The following TEP1 variants were observed in gnomAD, a reference collection of about 807,000 sequenced individuals.
The protein encoded by TEP1 is telomerase protein component 1.
TEP1 carries 241 observed loss-of-function variants against 306.3 expected under a neutral mutation model. That is an observed-to-expected ratio of 0.79 (90% confidence interval 0.71 to 0.88). The LOEUF is 0.88. Ranked by LOEUF, TEP1 falls within the 40% of genes least tolerant of loss-of-function variation. TEP1 has a pLI of 0.00. For missense variants in TEP1, 3,051 were observed against 3,276.1 expected, an observed-to-expected ratio of 0.93 and a Z score of 1.68; for synonymous variants, 1,289 against 1,305.5, an observed-to-expected ratio of 0.99 and a Z score of 0.27.
At position 20,391,642 on chromosome 14, in the gene TEP1, T is replaced by C. The variant is rs1268239626; in HGVS notation, c.2054A>G (p.Asp685Gly). ...TGGACAGAGCCTGTCTGCATTAGCA[T>C]CTGTCAGATAGACCAAGACAGTGCG... Reference protein sequence around the residue: ...PGRTVLVYLTDANADRLCPKS... With the variant: ...PGRTVLVYLTGANADRLCPKS... The change falls in exon 13 of 55, where the codon GAT (aspartate) becomes GGT (glycine). Residue 685 changes from aspartate to glycine, a missense_variant. Asp to Gly is a moderately conservative substitution (Grantham distance 94). Around this residue, in one of 3 missense-constraint regions of TEP1, gnomAD observed 1,507 missense variants for 1,550.5 expected, o/e 0.97. Transcript: ENST00000262715. 3 of 1,614,166 alleles carry C rather than the reference T, an allele frequency of 1.9e-6. No homozygotes were observed. Among genetic ancestry groups the C allele is most frequent in the South Asian group, 2.2e-5 (2 of 91,086 alleles).
rs774098351 is a variant in TEP1, at chr14:20,374,485, G to C, written c.6415C>G (p.Gln2139Glu). The change falls in exon 44 of 55, where the codon CAG becomes GAG. Residue 2139 changes from glutamine to glutamate, a missense_variant. Gln to Glu is a conservative substitution (Grantham distance 29). This residue lies in a region of TEP1 where 1,540 missense variants were observed against 1,705.9 expected (regional missense o/e 0.90). Coordinates refer to ENST00000262715, the MANE Select transcript of TEP1 (RefSeq NM_007110.5). ...SVGLWDPESG[Q>E]RLGQFLGHQS... ...TGACCCAGGAACTGACCAAGCCGCT[G>C]TCCTGACTCTGGGTCCCAGAGCCCC... 2.5e-6 allele frequency: 4 copies of C among 1,613,660 alleles called. No homozygotes were observed. Among genetic ancestry groups the C allele is most frequent in the Non-Finnish European group, 3.4e-6 (4 of 1,179,978 alleles).
Position 20,384,448 on chromosome 14 carries a change from C to T in TEP1, c.3282G>A (p.Glu1094=). Residue 1094 remains glutamate, a synonymous_variant, in exon 23 of 55, where the codon GAG becomes GAA. Transcript: ENST00000262715. ...CATCCTGCAGAACCAACTGCCCAAA[C>T]TCCTCCAGCCCGCCAACATAGGGCC... ...AGRPYVGGLE[E]FGQLVLQDVW... 13 of 1,614,164 alleles carry T rather than the reference C, an allele frequency of 8.1e-6. No homozygotes were observed. The highest frequency in any genetic ancestry group is 1.1e-5 in the Non-Finnish European group (13 of 1,180,036).
intron 1 of TEP1, among the ~76,000 whole-genome samples, chr14:20,409,754 C>T (rs1210174414): frequency 6.6e-6 from 1 of 152,102 alleles, no homozygotes; most frequent in Non-Finnish European, 1.5e-5. Context: ...GGCGCGGTGG[C>T]TCACGCCTGT....
At chr14:20,377,820 T>C in intron 39 of TEP1, 67 bp from the exon 40 acceptor site, 5 of 1,587,210 alleles carry the variant, frequency 3.2e-6, no homozygotes, top group Non-Finnish European at 4.3e-6. Flanking sequence ...TGTTTTGAGT[T>C]ACAGCCACCC....
Position 20,387,926 on chromosome 14 carries a change from A to G in TEP1, c.2663T>C (p.Leu888Ser), listed in dbSNP as rs1434327544. 4 of 1,608,836 alleles carry G rather than the reference A, an allele frequency of 2.5e-6. No individual in the cohort carries two copies. Among genetic ancestry groups the G allele is most frequent in the Non-Finnish European group, 3.4e-6 (4 of 1,178,472 alleles). ...TGACCCTTGCTGGGAAACAGGAGCC[A>G]AGGGGCTTGGAGTGTCCTCTTCCAG... ...RPLEEDTPSP[L>S]APVSQQGWRS... The change falls in exon 18 of 55, where the codon TTG becomes TCG. Residue 888 changes from leucine to serine, a missense_variant. By Grantham distance (145) the Leu-to-Ser change is moderately radical (BLOSUM62 -2). This residue lies in a region of TEP1 where 1,507 missense variants were observed against 1,550.5 expected (regional missense o/e 0.97). Coordinates refer to ENST00000262715, the MANE Select transcript of TEP1 (RefSeq NM_007110.5).
At chr14:20,389,139 TTC>T (rs1269030165) in intron 17 of TEP1, 97 bp downstream of exon 17, 2 of 1,101,504 alleles carry the variant, frequency 1.8e-6, no homozygotes, top group African/African-American at 3.3e-5. Context: ...CAGAGTGAGA[TTC>T]TGTCTTAAAA....
rs762705933 is a variant in TEP1 at position 20,406,283 on chromosome 14, C to G, written c.685G>C (p.Asp229His). The G allele has an allele frequency of 2.1e-5, 34 of 1,614,112 alleles. No homozygotes were observed. The highest frequency in any genetic ancestry group is 2.8e-5 in the Non-Finnish European group (33 of 1,180,022). The change falls in exon 3 of 55, where the codon GAC (aspartate) becomes CAC (histidine). Residue 229 changes from aspartate (D) to histidine (H), a missense_variant. Physicochemically the swap from Asp to His is moderately conservative, Grantham distance 81 (BLOSUM62 -1). Coordinates refer to ENST00000262715, the MANE Select transcript of TEP1 (RefSeq NM_007110.5). The stretch of plus-strand genomic sequence containing the variant: ...GTAGGCTCTGGATGAGATTCAGAGT[C>G]TCCAGAGGTGAGCTTCACGGCCAGA... ...EDLAVKLTSG[D>H]SESHPEPTDH... is the part of the protein sequence containing the mutation.
At chr14:20,397,888 G>C (rs1307676081) in intron 9 of TEP1, among the ~76,000 whole-genome samples, 4 of 152,096 alleles carry the variant, frequency 2.6e-5, no homozygotes. Context: ...GAGTAGCTGG[G>C]ATTACAAGTG....
chr14:20,396,065 A>G, intron 10 of TEP1, 116 bp from the exon 11 acceptor site: 1 of 637,120 alleles, frequency 1.6e-6, no homozygotes, highest in South Asian at 2.6e-5. Context: ...GAACTTAGAC[A>G]AGAGATATAG....
At chr14:20,407,721 G>A (rs1879291206) in intron 2 of TEP1, 152 bp downstream of exon 2, 1 of 692,252 alleles carries the variant, frequency 1.4e-6, no homozygotes, top group African/African-American at 1.8e-5. Context: ...AGTGAAGATG[G>A]TCCTGCAACA....
At chr14:20,375,995 A>T in intron 42 of TEP1, 109 bp downstream of exon 42, 1 of 1,502,806 alleles carries the variant, frequency 6.7e-7, no homozygotes, top group Non-Finnish European at 9.1e-7. Context: ...GATCTATACT[A>T]GATTTGGCAA....
At chr14:20,380,139 T>A in intron 34 of TEP1, 86 bp from the exon 35 acceptor site, 2 of 1,580,840 alleles carry the variant, frequency 1.3e-6, no homozygotes, top group Non-Finnish European at 1.7e-6. Context: ...CCTGGATCCC[T>A]CTCCAGTGTT....
At position 20,384,984 on chromosome 14, in the gene TEP1, C is replaced by T; in HGVS notation, c.3107+1G>A. On this transcript the variant is annotated splice_donor_variant, in intron 21 of 54. Coordinates refer to ENST00000262715, the MANE Select transcript of TEP1 (RefSeq NM_007110.5). LOFTEE classifies it high-confidence loss of function. ...CCCAGCCTGCAGGCAACAGACAGTA[C>T]CTGAGGAAGCTGGAATCCCGGAAGT... is the stretch of plus-strand genomic sequence containing the variant. The T allele has an allele frequency of 6.2e-7, 1 of 1,614,178 alleles. No individual in the cohort carries two copies. Among genetic ancestry groups the T allele is most frequent in the Non-Finnish European group, 8.5e-7 (1 of 1,180,030 alleles).
rs1431771760 is a variant in TEP1, at chr14:20,378,256, T to C, written c.5509-20A>G. 1.9e-6 allele frequency: 3 copies of C among 1,613,282 alleles called. No homozygotes were observed. The highest frequency in any genetic ancestry group is 1.3e-5 in the African/African-American group (1 of 74,836). ...CAGGTCCTACACAGGGAGGTAGAAA[T>C]GGAAACGTGAAGACCTGCTCTCAGC... On this transcript the variant is annotated intron_variant, in intron 38 of 54. Transcript: ENST00000262715.
At position 20,391,662 on chromosome 14, in the gene TEP1, A is replaced by C. The variant is rs368721109; in HGVS notation, c.2034T>G (p.Thr678=). 9.3e-6 allele frequency: 15 copies of C among 1,614,092 alleles called. No individual in the cohort carries two copies. In the African/African-American group the frequency reaches 1.3e-4, roughly 14 times the overall value. ...TAGCATCTGTCAGATAGACCAAGAC[A>C]GTGCGGCCTGGCAGCAGGGGCAGGC... is the stretch of plus-strand genomic sequence containing the variant. ...KHSLPLLPGR[T]VLVYLTDANA... The change falls in exon 13 of 55, where the codon ACT becomes ACG. Residue 678 remains threonine (T), a synonymous_variant. Coordinates refer to ENST00000262715, the MANE Select transcript of TEP1 (RefSeq NM_007110.5).
chr14:20,381,515 C>G lies in TEP1; in HGVS notation c.4558+38G>C, dbSNP rs1295842843. Reference sequence around the variant, plus strand: ...TGGTCCTGGCCTCCAGGCCCAAGCCCCACACTCAGTGCCCAGGCTGACTTG... The same window carrying G: ...TGGTCCTGGCCTCCAGGCCCAAGCCGCACACTCAGTGCCCAGGCTGACTTG... On this transcript the variant is annotated intron_variant, in intron 31 of 54. Coordinates refer to ENST00000262715, the MANE Select transcript of TEP1 (RefSeq NM_007110.5). This position sits in a 1 kb window ranked among gnomAD's most constrained non-coding sequence, Gnocchi z 4.0. The G allele has an allele frequency of 9.9e-6, 16 of 1,612,916 alleles. No homozygotes were observed. The highest frequency in any genetic ancestry group is 2.2e-5 in the East Asian group (1 of 44,894).
In TEP1 at chr14:20,384,496, C is replaced by A; in HGVS notation, c.3234G>T (p.Glu1078Asp). Residue 1078 changes from glutamate to aspartate, a missense_variant, in exon 23 of 55, where the codon GAG becomes GAT. Physicochemically the swap from Glu to Asp is conservative, Grantham distance 45 (BLOSUM62 2). This residue lies in a region of TEP1 where 1,507 missense variants were observed against 1,550.5 expected (regional missense o/e 0.97). Transcript: ENST00000262715. Reference sequence around the variant, plus strand: ...GCCGGCCAGCTGCCACACCCCCCCACTCACAGGGGTATCTGTGGGCAAATC... The same window carrying A: ...GCCGGCCAGCTGCCACACCCCCCCAATCACAGGGGTATCTGTGGGCAAATC... ...KGITCRRYPC[E>D]WGGVAAGRPY... 6.2e-7 allele frequency: 1 copy of A among 1,614,158 alleles called. No individual in the cohort carries two copies. The highest frequency in any genetic ancestry group is 8.5e-7 in the Non-Finnish European group (1 of 1,180,032).
Position 20,395,942 on chromosome 14 carries a change from A to G in TEP1, c.1667T>C (p.Val556Ala). 6.2e-7 allele frequency: 1 copy of G among 1,614,048 alleles called. No individual in the cohort carries two copies. Residue 556 changes from valine to alanine, a missense_variant, in exon 11 of 55, where the codon GTG (valine) becomes GCG (alanine). Physicochemically the swap from Val to Ala is moderately conservative, Grantham distance 64. Around this residue, in one of 3 missense-constraint regions of TEP1, gnomAD observed 1,507 missense variants for 1,550.5 expected, o/e 0.97. Transcript: ENST00000262715. The stretch of plus-strand genomic sequence containing the variant: ...GAATGGAAACTGCCGACTGTGGATC[A>G]CCGACTTCTAGAAAGCAAAGGAGGG... ...ILQRLQHAKS[V>A]IHSRQFPFRF...
Position 20,383,716 on chromosome 14 carries a change from AG to A in TEP1, c.3710+26del, listed in dbSNP as rs1378731472. ...CAGGGGTGGTACGTGGGCATCAACA[AG>A]GCTGGGCTCATTGGGGGATACCCAC... On this transcript the variant is annotated intron_variant, in intron 25 of 54. Transcript: ENST00000262715. 2.5e-6 allele frequency: 4 copies of A among 1,609,196 alleles called. No individual in the cohort carries two copies. The African/African-American group carries it at 5.3e-5, about 21-fold the overall frequency.
Sources: allele counts gnomAD v4.1 joint callset (sites outside exome capture counted in the v4.1 genomes callset), GRCh38; gene constraint gnomAD v4.1.1; regional missense constraint gnomAD v4.1.1; non-coding constraint Gnocchi (gnomAD v3.1); transcripts MANE v1.5; gene names NCBI Gene and HGNC (gene_info 2026-07-23, HGNC 2026-07-21).